PGLYRP4: variants seen among roughly 807,000 people sequenced by gnomAD.
PGLYRP4 encodes PGRP-I-beta.
A neutral mutation model predicts 41.2 loss-of-function variants in PGLYRP4; 39 were observed. The ratio of observed to expected loss-of-function variants is 0.95; its 90% CI spans 0.73 to 1.24. The LOEUF is 1.24. PGLYRP4 is among the 50% of genes most tolerant of loss of function. The pLI is 0.00. For synonymous variants in PGLYRP4, 202 were observed against 186.8 expected (o/e 1.08, Z -0.66); for missense variants, 467 against 460.7 (o/e 1.01, Z -0.13).
chr1:153,347,059 C>CGTTTT (rs1210382073), intron 2 of PGLYRP4, among the ~76,000 whole-genome samples: 1 of 152,000 alleles, frequency 6.6e-6, no homozygotes, highest in African/African-American at 2.4e-5. Context: ...GGGATTTTTT[C>CGTTTT]GTTTTGTTTT....
chr1:153,330,826 A>G lies in PGLYRP4; in HGVS notation c.1063T>C (p.Leu355=). 1 of 1,614,040 alleles carries G rather than the reference A, an allele frequency of 6.2e-7. No individual in the cohort carries two copies. The highest frequency in any genetic ancestry group is 2.2e-5 in the East Asian group (1 of 44,864). The change falls in exon 9 of 9, where the codon TTG becomes CTG. Residue 355 remains leucine, a synonymous_variant. Coordinates refer to ENST00000359650, the MANE Select transcript of PGLYRP4 (RefSeq NM_020393.4). ...LVGHSDVART[L]SPGQALYNII... is the part of the protein sequence containing the mutation. Reference sequence around the variant, plus strand: ...TTGTACAAAGCCTGCCCAGGAGACAAGGTTCGGGCCACATCACTGTGGCCC... The same window carrying G: ...TTGTACAAAGCCTGCCCAGGAGACAGGGTTCGGGCCACATCACTGTGGCCC...
intron 5 of PGLYRP4, 71 bp from the exon 6 acceptor site, chr1:153,341,850 G>A (rs1660817536): frequency 4.7e-6 from 7 of 1,489,266 alleles, no homozygotes; most frequent in Non-Finnish European, 6.4e-6. Context: ...GGAAGGAGAA[G>A]ATGCTCTGCC....
chr1:153,346,888 T>C (rs916381713), intron 2 of PGLYRP4, among the ~76,000 whole-genome samples: 4 of 152,204 alleles, frequency 2.6e-5, no homozygotes, highest in African/African-American at 9.7e-5. Context: ...GTCATAACTA[T>C]CTCAATTTTC....
chr1:153,337,151 A>G (rs1297504549), intron 8 of PGLYRP4, 30 bp downstream of exon 8: 2 of 1,390,822 alleles, frequency 1.4e-6, no homozygotes, highest in Non-Finnish European at 2.0e-6. Flanking sequence ...ATACCATGCA[A>G]TGACCCTACT....
chr1:153,338,451 G>A (rs1660659705), intron 7 of PGLYRP4, among the ~76,000 whole-genome samples: 1 of 152,110 alleles, frequency 6.6e-6, no homozygotes, highest in Non-Finnish European at 1.5e-5. Context: ...ATTCCTAAAG[G>A]GTAGCCAGAC....
chr1:153,341,185 C>G (rs776453359), intron 6 of PGLYRP4, among the ~76,000 whole-genome samples: 3 of 152,100 alleles, frequency 2.0e-5, no homozygotes, highest in Non-Finnish European at 4.4e-5. Context: ...GTGTCCAGTC[C>G]CTTTCCATTG....
chr1:153,343,415 C>CCCCTT (rs1176321162), intron 4 of PGLYRP4, among the ~76,000 whole-genome samples: 3 of 152,294 alleles, frequency 2.0e-5, no homozygotes, highest in Non-Finnish European at 4.4e-5. Flanking sequence ...CACTCCCTAC[C>CCCCTT]CCCTTCCCTT....
At chr1:153,343,280 C>T (rs1343125653) in intron 4 of PGLYRP4, 72 bp from the exon 5 acceptor site, 1 of 993,462 alleles carries the variant, frequency 1.0e-6, no homozygotes, top group Non-Finnish European at 1.6e-6. Flanking sequence ...ACCACTTACC[C>T]AGCCTCAAAA....
Position 153,345,483 on chromosome 1 carries a change from A to T in PGLYRP4, c.140-101T>A. ...TGTGTCGGCCCCTTGGTAGTGGAAG[A>T]GCCTTCAGCAGGCAGGTGCACCTGC... On this transcript the variant is annotated intron_variant, in intron 3 of 8. Transcript: ENST00000359650. 4.9e-6 allele frequency: 5 copies of T among 1,017,286 alleles called. No homozygotes were observed. The Admixed American group carries it at 9.1e-5, about 19-fold the overall frequency. The allele number at this position is 1,017,286 out of a possible 1,614,324, so 63.0% of individuals were successfully genotyped here. A position where few individuals can be genotyped will look rare whatever the true frequency, so the allele number is the denominator to read the frequency against.
intron 2 of PGLYRP4, among the ~76,000 whole-genome samples, chr1:153,347,242 T>G (rs1661049683): frequency 6.6e-6 from 1 of 152,100 alleles, no homozygotes. Flanking sequence ...AGTTTCACCA[T>G]GTTGGCCAGG....
In PGLYRP4 at chr1:153,340,589, G is replaced by A. The variant is rs1367067744; in HGVS notation, c.626-10C>T. ...ACAACGCCGGGGCAAGCTGAGGTGGGGCGAGAAACCACAGAGGGTTCATCT... is the reference window on the plus strand; with the variant it reads ...ACAACGCCGGGGCAAGCTGAGGTGGAGCGAGAAACCACAGAGGGTTCATCT... On this transcript the variant is annotated splice_polypyrimidine_tract_variant and intron_variant, in intron 6 of 8. Coordinates refer to ENST00000359650, the MANE Select transcript of PGLYRP4 (RefSeq NM_020393.4). 6 of 1,612,624 alleles carry A rather than the reference G, an allele frequency of 3.7e-6. No homozygotes were observed. The highest frequency in any genetic ancestry group is 2.7e-5 in the African/African-American group (2 of 74,846).
chr1:153,345,202 A>G lies in PGLYRP4; in HGVS notation c.320T>C (p.Val107Ala), dbSNP rs1344651539. 1.2e-6 allele frequency: 2 copies of G among 1,613,546 alleles called. No homozygotes were observed. Among genetic ancestry groups the G allele is most frequent in the East Asian group, 2.2e-5 (1 of 44,878 alleles). The change falls in exon 4 of 9, where the codon GTC (valine) becomes GCC (alanine). Residue 107 changes from valine (V) to alanine (A), a missense_variant. Val to Ala is a moderately conservative substitution (Grantham distance 64). Transcript: ENST00000359650. ...QRLRELQAHH[V>A]HNNSGCDVAY... ...CACATCACACCCACTGTTGTTGTGG[A>G]CATGATGGGCCTGCAGTTCCCGCAG... is the stretch of plus-strand genomic sequence containing the variant.
intron 4 of PGLYRP4, 148 bp downstream of exon 4, chr1:153,345,021 T>G: frequency 8.1e-6 from 5 of 619,640 alleles, no homozygotes; most frequent in Admixed American, 3.0e-5. Context: ...GGATTGGGAG[T>G]TTCATGGGGG....
Position 153,330,789 on chromosome 1 carries a change from G to A in PGLYRP4, c.1100C>T (p.Thr367Ile). 6.2e-7 allele frequency: 1 copy of A among 1,613,904 alleles called. No individual in the cohort carries two copies. Among genetic ancestry groups the A allele is most frequent in the Non-Finnish European group, 8.5e-7 (1 of 1,179,892 alleles). ...PGQALYNIIS[T>I]WPHFKH The stretch of plus-strand genomic sequence containing the variant: ...CTCTCAGTGTTTGAAATGAGGCCAG[G>A]TGCTGATGATGTTGTACAAAGCCTG... The change falls in exon 9 of 9, where the codon ACC (threonine) becomes ATC (isoleucine). Residue 367 changes from threonine to isoleucine, a missense_variant. Thr to Ile is a moderately conservative substitution (Grantham distance 89). Coordinates refer to ENST00000359650, the MANE Select transcript of PGLYRP4 (RefSeq NM_020393.4).
chr1:153,346,478 G>GAA (rs11375855), intron 2 of PGLYRP4, among the ~76,000 whole-genome samples: 207 of 148,830 alleles, frequency 1.4e-3, no homozygotes, highest in South Asian at 6.3e-3. Flanking sequence ...AATTGGCGGG[G>GAA]AAAAAAAAAA....
intron 3 of PGLYRP4, 56 bp downstream of exon 3, chr1:153,346,046 C>T: frequency 7.8e-7 from 1 of 1,286,486 alleles, no homozygotes; most frequent in Non-Finnish European, 1.1e-6. Flanking sequence ...CATTTCCGAT[C>T]ACATGAAAAA....
intron 8 of PGLYRP4, among the ~76,000 whole-genome samples, chr1:153,336,328 AC>A (rs1470512769): frequency 2.2e-5 from 3 of 138,572 alleles, no homozygotes; most frequent in Non-Finnish European, 4.6e-5. Flanking sequence ...CCAAAACTGC[AC>A]ATTGTGTTCC....
chr1:153,344,838 C>T (rs1455677954), intron 4 of PGLYRP4, among the ~76,000 whole-genome samples: 1 of 152,126 alleles, frequency 6.6e-6, no homozygotes, highest in Non-Finnish European at 1.5e-5. Flanking sequence ...GATGGTGACA[C>T]CTGCCTACCA....
chr1:153,330,537 A>G lies in PGLYRP4; in HGVS notation c.*230T>C, dbSNP rs976105232. Reference sequence around the variant, plus strand: ...TTCCAAGGGAGAGGAAGGTAAGGAGAGAAGAAATCTGGACTCAGACTCAGA... The same window carrying G: ...TTCCAAGGGAGAGGAAGGTAAGGAGGGAAGAAATCTGGACTCAGACTCAGA... On this transcript the variant is annotated 3_prime_UTR_variant, in exon 9 of 9. Transcript: ENST00000359650. 2.9e-6 allele frequency: 1 copy of G among 347,956 alleles called. No homozygotes were observed. The highest frequency in any genetic ancestry group is 5.4e-6 in the Non-Finnish European group (1 of 185,986). The allele number at this position is 347,956 out of a possible 1,614,324, so 21.6% of individuals were successfully genotyped here.
Sources: allele counts gnomAD v4.1 joint callset (sites outside exome capture counted in the v4.1 genomes callset), GRCh38; gene constraint gnomAD v4.1.1; transcripts MANE v1.5; gene names NCBI Gene and HGNC (gene_info 2026-07-23, HGNC 2026-07-21).